CD2AP: variants seen among roughly 807,000 people sequenced by gnomAD.
CD2AP encodes CD2-associated protein.
A neutral mutation model predicts 85.1 loss-of-function variants in CD2AP; 46 were observed. The ratio of observed to expected loss-of-function variants is 0.54; its 90% CI spans 0.43 to 0.69. The LOEUF (loss-of-function observed/expected upper bound fraction) is 0.69, where lower values mean the gene tolerates loss of function less well. Among genes scored for constraint, CD2AP ranks in the 30% least tolerant of loss-of-function variants. The pLI is 0.00. For synonymous variants in CD2AP, 255 were observed against 252.9 expected (o/e 1.01, Z -0.08); for missense variants, 769 against 729.5 (o/e 1.05, Z -0.62).
intron 5 of CD2AP, chr6:47,562,738 C>A: frequency 1.2e-6 from 1 of 812,778 alleles, no homozygotes; most frequent in Non-Finnish European, 2.1e-6. Flanking sequence ...TGAAGCTGGC[C>A]AAGCCTTAGA....
chr6:47,609,001 T>C, intron 15 of CD2AP, 122 bp from the exon 16 acceptor site: 2 of 681,430 alleles, frequency 2.9e-6, no homozygotes, highest in East Asian at 5.6e-5. Context: ...CAAATTGCTT[T>C]TGAATTTCCA....
At chr6:47,603,554 T>C (rs1769197918) in intron 13 of CD2AP, among the ~76,000 whole-genome samples, 2 of 152,094 alleles carry the variant, frequency 1.3e-5, no homozygotes, top group South Asian at 4.1e-4. Flanking sequence ...AATACTAATA[T>C]TAATTTTTCC....
In CD2AP at chr6:47,478,144, G is replaced by A; in HGVS notation, c.-101G>A. On this transcript the variant is annotated 5_prime_UTR_variant, in exon 1 of 18. Coordinates refer to ENST00000359314, the MANE Select transcript of CD2AP (RefSeq NM_012120.3). ...TGAGCTCAGGAGGGGCTAGCGCGGA[G>A]CGCGGGTCCCGCCTCCAGCCGCGGG... 1 of 1,455,002 alleles carries A rather than the reference G, an allele frequency of 6.9e-7. No individual in the cohort carries two copies. 90.1% of individuals were successfully genotyped at this position (1,455,002 alleles called of 1,614,324 possible).
chr6:47,503,787 A>T (rs1766059164), intron 2 of CD2AP, among the ~76,000 whole-genome samples: 1 of 152,220 alleles, frequency 6.6e-6, no homozygotes, highest in South Asian at 2.1e-4. Context: ...CCTACAGTAT[A>T]CTTGTGAAAT....
At chr6:47,529,888 C>T (rs1329779768) in intron 2 of CD2AP, among the ~76,000 whole-genome samples, 1 of 152,210 alleles carries the variant, frequency 6.6e-6, no homozygotes, top group African/African-American at 2.4e-5. Flanking sequence ...AATTTTACCA[C>T]CCTTATCATC....
chr6:47,569,081 A>G (rs1316792596), intron 5 of CD2AP, among the ~76,000 whole-genome samples: 1 of 152,210 alleles, frequency 6.6e-6, no homozygotes, highest in Non-Finnish European at 1.5e-5. Flanking sequence ...GCCAAATTAA[A>G]GAAGAAAGGA....
chr6:47,583,969 T>C (rs1368128523), intron 11 of CD2AP, among the ~76,000 whole-genome samples: 3 of 152,338 alleles, frequency 2.0e-5, no homozygotes, highest in Admixed American at 2.0e-4. Flanking sequence ...AGGTGTGTAG[T>C]GGTATTTTAC....
chr6:47,493,372 G>A (rs1159748143), intron 1 of CD2AP, among the ~76,000 whole-genome samples: 1 of 136,264 alleles, frequency 7.3e-6, no homozygotes, highest in African/African-American at 2.7e-5. Context: ...TTTTTCCAAT[G>A]CTTTAAATAT....
intron 5 of CD2AP, among the ~76,000 whole-genome samples, chr6:47,556,514 A>C (rs994114792): frequency 2.0e-5 from 3 of 151,738 alleles, no homozygotes; most frequent in Admixed American, 6.6e-5. Flanking sequence ...CGCCCAGCTA[A>C]TTTTTTGTAT....
chr6:47,537,816 CAG>C (rs1393332008), intron 3 of CD2AP, among the ~76,000 whole-genome samples: 1 of 149,782 alleles, frequency 6.7e-6, no homozygotes, highest in Non-Finnish European at 1.5e-5. Context: ...TTTTTGGATA[CAG>C]AGTCTCAGGC....
At chr6:47,479,788 A>G (rs1417172352) in intron 1 of CD2AP, among the ~76,000 whole-genome samples, 1 of 151,706 alleles carries the variant, frequency 6.6e-6, no homozygotes, top group Non-Finnish European at 1.5e-5. Flanking sequence ...ATTCTAAATA[A>G]TATTTGTTCG....
At chr6:47,544,731 A>G in intron 4 of CD2AP, 25 bp downstream of exon 4, 2 of 1,314,750 alleles carry the variant, frequency 1.5e-6, no homozygotes, top group South Asian at 1.2e-5. Flanking sequence ...TGTTACAGGT[A>G]AAACAGTAAT....
chr6:47,562,359 C>T (rs1472823046), intron 5 of CD2AP, among the ~76,000 whole-genome samples: 1 of 151,964 alleles, frequency 6.6e-6, no homozygotes, highest in Non-Finnish European at 1.5e-5. Context: ...TCATAAAATA[C>T]CAGTAATTGT....
intron 11 of CD2AP, among the ~76,000 whole-genome samples, chr6:47,593,546 C>T (rs951538944): frequency 2.6e-5 from 4 of 151,986 alleles, no homozygotes; most frequent in African/African-American, 9.6e-5. Context: ...AAGCACTTGA[C>T]AAGATGTTTA....
At chr6:47,615,214 T>G (rs1047822008) in intron 17 of CD2AP, among the ~76,000 whole-genome samples, 3 of 152,166 alleles carry the variant, frequency 2.0e-5, no homozygotes, top group Non-Finnish European at 4.4e-5. Context: ...TTTTAAACTG[T>G]GTATTAGTTA....
chr6:47,484,686 T>A (rs1450364142), intron 1 of CD2AP, among the ~76,000 whole-genome samples: 1 of 152,210 alleles, frequency 6.6e-6, no homozygotes, highest in Admixed American at 6.5e-5. Context: ...CTTCCCATCA[T>A]GATCTTGTTC....
chr6:47,507,869 G>A (rs369465719), intron 2 of CD2AP, among the ~76,000 whole-genome samples: 1 of 152,204 alleles, frequency 6.6e-6, no homozygotes, highest in Non-Finnish European at 1.5e-5. Flanking sequence ...TTCCAACAGA[G>A]CTCTTGGGTG....
intron 17 of CD2AP, among the ~76,000 whole-genome samples, chr6:47,615,884 G>A (rs1034064649): frequency 1.3e-5 from 2 of 149,704 alleles, no homozygotes; most frequent in Middle Eastern, 3.4e-3. Context: ...AGTTCACTCC[G>A]TTCTCCCACC....
At chr6:47,579,519 A>C in intron 9 of CD2AP, 30 bp downstream of exon 9, 2 of 1,318,830 alleles carry the variant, frequency 1.5e-6, no homozygotes, top group Non-Finnish European at 2.2e-6. Flanking sequence ...TGATGATAAT[A>C]CTTGAAAGAA....
Sources: allele counts gnomAD v4.1 joint callset (sites outside exome capture counted in the v4.1 genomes callset), GRCh38; gene constraint gnomAD v4.1.1; transcripts MANE v1.5; gene names NCBI Gene and HGNC (gene_info 2026-07-23, HGNC 2026-07-21).